Variants in NOVA1 observed in about 807,000 individuals in gnomAD.
NOVA1 encodes the protein RNA-binding protein Nova-1.
Under a neutral mutation model 38.0 loss-of-function variants are expected in NOVA1, and 7 were observed. The ratio of observed to expected loss-of-function variants is 0.18; its 90% CI spans 0.10 to 0.35. The LOEUF is 0.35. NOVA1 is among the 10% of genes least tolerant of loss of function. The pLI is 1.00. For missense variants in NOVA1, 460 were observed against 616.0 expected, an observed-to-expected ratio of 0.75 and a Z score of 2.68; for synonymous variants, 270 against 232.5, an observed-to-expected ratio of 1.16 and a Z score of -1.47.
chr14:26,582,308 C>T (rs998086509), intron 2 of NOVA1, among the ~76,000 whole-genome samples: 12 of 151,646 alleles, frequency 7.9e-5, no homozygotes, highest in East Asian at 1.9e-4. Context: ...TTATTTTTAA[C>T]GCAATCTCCT....
chr14:26,570,568 T>A (rs545156224), intron 2 of NOVA1, among the ~76,000 whole-genome samples: 179 of 152,224 alleles, frequency 1.2e-3, no homozygotes, highest in African/African-American at 4.0e-3. Context: ...TGTGTATGTG[T>A]ATACATATGT....
At chr14:26,468,087 T>C (rs907588787) in intron 4 of NOVA1, among the ~76,000 whole-genome samples, 19 of 152,096 alleles carry the variant, frequency 1.2e-4, no homozygotes, top group Non-Finnish European at 8.8e-5. Context: ...GTAGAGGTGG[T>C]GAGAACGTTA....
intron 2 of NOVA1, among the ~76,000 whole-genome samples, chr14:26,493,175 A>C (rs2138364799): frequency 6.6e-6 from 1 of 152,278 alleles, no homozygotes; most frequent in South Asian, 2.1e-4. Flanking sequence ...AAAGAATATC[A>C]GAATATCTTA....
At chr14:26,568,353 T>C (rs1196040213) in intron 2 of NOVA1, 2 of 152,184 alleles carry the variant, frequency 1.3e-5, no homozygotes, top group Admixed American at 1.3e-4. Flanking sequence ...CAGCATGGAC[T>C]CTGGAGTCAG....
intron 2 of NOVA1, among the ~76,000 whole-genome samples, chr14:26,511,893 C>T (rs1292450761): frequency 6.6e-6 from 1 of 151,890 alleles, no homozygotes; most frequent in Admixed American, 6.6e-5. Flanking sequence ...AAATACTGAC[C>T]GAAATATCAT....
At chr14:26,450,664 T>C (rs898976963) in intron 4 of NOVA1, among the ~76,000 whole-genome samples, 1 of 152,156 alleles carries the variant, frequency 6.6e-6, no homozygotes, top group Non-Finnish European at 1.5e-5. Context: ...CACAGACATC[T>C]TTTTGTACAA....
chr14:26,568,078 T>C (rs1892244806), intron 2 of NOVA1, among the ~76,000 whole-genome samples: 1 of 152,064 alleles, frequency 6.6e-6, no homozygotes, highest in African/African-American at 2.4e-5. Context: ...TGGGAAAAGG[T>C]AGGCCAATAT....
At position 26,448,205 on chromosome 14, in the gene NOVA1, T is replaced by G. The variant is rs1486050775; in HGVS notation, c.1278A>C (p.Ile426=). The G allele has an allele frequency of 6.2e-7, 1 of 1,614,264 alleles. No homozygotes were observed. Among genetic ancestry groups the G allele is most frequent in the Non-Finnish European group, 8.5e-7 (1 of 1,180,046 alleles). The change falls in exon 5 of 5, where the codon ATA becomes ATC. Residue 426 remains isoleucine (I), a synonymous_variant. Coordinates refer to ENST00000539517, the MANE Select transcript of NOVA1 (RefSeq NM_002515.3). The surrounding 1 kb of genome is among the most constrained non-coding windows in gnomAD (Gnocchi z 5.3). ...STDGSKDVVE[I]AVPENLVGAI... ...CACCAACTAAGTTTTCTGGCACTGC[T>G]ATTTCAACTACATCCTTGGATCCAT... is the stretch of plus-strand genomic sequence containing the variant.
intron 4 of NOVA1, among the ~76,000 whole-genome samples, chr14:26,469,057 G>A (rs981885282): frequency 4.6e-5 from 7 of 152,112 alleles, no homozygotes; most frequent in Non-Finnish European, 1.0e-4. Flanking sequence ...TTATTTGAAA[G>A]TTAAAACATG....
intron 2 of NOVA1, among the ~76,000 whole-genome samples, chr14:26,560,982 C>T (rs1891784749): frequency 6.6e-6 from 1 of 152,112 alleles, no homozygotes; most frequent in African/African-American, 2.4e-5. Context: ...CAACATGGTA[C>T]AGGGTGGGGG....
At chr14:26,595,267 T>C (rs1894116888) in intron 2 of NOVA1, 143 bp downstream of exon 2, 2 of 697,106 alleles carry the variant, frequency 2.9e-6, no homozygotes, top group East Asian at 2.8e-5. Flanking sequence ...CTGAAAATTT[T>C]TCCACAATAT....
intron 4 of NOVA1, among the ~76,000 whole-genome samples, chr14:26,467,223 C>T (rs1043054099): frequency 1.3e-4 from 20 of 152,196 alleles, no homozygotes; most frequent in African/African-American, 4.3e-4. Flanking sequence ...GAAAATCAAA[C>T]GTGGGTAGTA....
In NOVA1 at chr14:26,507,576, T is replaced by C. The variant is rs574990110; in HGVS notation, c.281-27433A>G. Among the ~76,000 whole-genome samples, 7 of 152,302 alleles carry C rather than the reference T, an allele frequency of 4.6e-5. 1 individual carries two copies. In the East Asian group the frequency reaches 1.4e-3, roughly 29 times the overall value. On this transcript the variant is annotated intron_variant, in intron 2 of 4. Transcript: ENST00000539517. ...TATTTTTATTGTGTTTCATGAATTC[T>C]ACCCTTTGGAAACAGATATTTTCAA... is the stretch of plus-strand genomic sequence containing the variant.
intron 2 of NOVA1, among the ~76,000 whole-genome samples, chr14:26,565,556 C>A (rs377558091): frequency 6.6e-6 from 1 of 151,992 alleles, no homozygotes; most frequent in Non-Finnish European, 1.5e-5. Flanking sequence ...ACAAAAAATT[C>A]GGTGTGATAT....
chr14:26,452,947 C>T (rs1882828431), intron 4 of NOVA1, among the ~76,000 whole-genome samples: 1 of 152,042 alleles, frequency 6.6e-6, no homozygotes, highest in South Asian at 2.1e-4. Flanking sequence ...AAGGGTGCTG[C>T]ACAGAAGTAT....
intron 2 of NOVA1, among the ~76,000 whole-genome samples, chr14:26,487,495 A>T (rs1226288376): frequency 1.3e-5 from 2 of 152,124 alleles, no homozygotes; most frequent in Admixed American, 6.5e-5. Flanking sequence ...ATCTCATTTA[A>T]TGTTCACAAT....
chr14:26,510,107 G>T (rs1887955131), intron 2 of NOVA1, among the ~76,000 whole-genome samples: 1 of 87,838 alleles, frequency 1.1e-5, no homozygotes, highest in Non-Finnish European at 3.4e-5. Context: ...GGGGACTTCA[G>T]AAATACTCAC....
intron 2 of NOVA1, among the ~76,000 whole-genome samples, chr14:26,486,850 T>C (rs184791685): frequency 2.0e-5 from 3 of 151,834 alleles, no homozygotes; most frequent in African/African-American, 7.2e-5. Flanking sequence ...TCAGTGTAAA[T>C]AGATAAAATA....
chr14:26,445,178 G>C lies in NOVA1; in HGVS notation c.*2781C>G, dbSNP rs1881977354. 1 of 152,100 alleles carries C rather than the reference G, an allele frequency of 6.6e-6. No individual in the cohort carries two copies. 9.4% of individuals were successfully genotyped at this position (152,100 alleles called of 1,614,324 possible). A position where few individuals can be genotyped will look rare whatever the true frequency, so the allele number is the denominator to read the frequency against. On this transcript the variant is annotated 3_prime_UTR_variant, in exon 5 of 5. Transcript: ENST00000539517. ...ATAGTTGCATTTCATAAGATGTTTGGCCCTTGTATCATCAGTTTTCTCCAT... is the reference window on the plus strand; with the variant it reads ...ATAGTTGCATTTCATAAGATGTTTGCCCCTTGTATCATCAGTTTTCTCCAT...
Sources: gnomAD v4.1 joint callset for allele counts (sites outside exome capture counted in the v4.1 genomes callset) on GRCh38, gnomAD v4.1.1 for gene constraint, Gnocchi (gnomAD v3.1) non-coding constraint, MANE v1.5 for transcripts, NCBI Gene and HGNC (gene_info 2026-07-23, HGNC 2026-07-21) for gene names.